The following PPARGC1A variants were observed in gnomAD, a reference collection of about 807,000 sequenced individuals.
PPARGC1A encodes peroxisome proliferator-activated receptor gamma coactivator 1-alpha.
A neutral mutation model predicts 88.7 loss-of-function variants in PPARGC1A; 25 were observed. That is an observed-to-expected ratio of 0.28 (90% CI 0.21 to 0.39). The LOEUF (loss-of-function observed/expected upper bound fraction) is 0.39. Among genes scored for constraint, PPARGC1A ranks in the 10% least tolerant of loss-of-function variants. PPARGC1A has a pLI of 1.00. For missense variants in PPARGC1A, 880 were observed against 968.7 expected (o/e 0.91, Z 1.22); for synonymous variants, 363 against 355.6 (o/e 1.02, Z -0.24).
intron 5 of PPARGC1A, among the ~76,000 whole-genome samples, chr4:23,828,037 G>A (rs1724311171): frequency 6.6e-6 from 1 of 152,032 alleles, no homozygotes; most frequent in African/African-American, 2.4e-5. Context: ...TCCATTACTG[G>A]AAGGGAAAAA....
chr4:23,875,478 T>C (rs967931155), intron 2 of PPARGC1A, among the ~76,000 whole-genome samples: 1 of 151,956 alleles, frequency 6.6e-6, no homozygotes, highest in East Asian at 1.9e-4. Flanking sequence ...GTGAAGGTGT[T>C]GTCGGTCTGT....
the PPARGC1A span, among the ~76,000 whole-genome samples, chr4:24,328,129 C>T: frequency 6.6e-6 from 1 of 152,068 alleles, no homozygotes; most frequent in South Asian, 2.1e-4. Flanking sequence ...TCAGACTCAG[C>T]CCGCCTGCAC....
the PPARGC1A span, among the ~76,000 whole-genome samples, chr4:24,306,543 C>A: frequency 1.6e-4 from 24 of 152,246 alleles, no homozygotes; most frequent in African/African-American, 5.3e-4. Context: ...TCTGCAAATT[C>A]TGAGTAATTA....
chr4:24,297,888 C>T, the PPARGC1A span, among the ~76,000 whole-genome samples: 1 of 152,112 alleles, frequency 6.6e-6, no homozygotes, highest in Non-Finnish European at 1.5e-5. Context: ...TTGCAAGCAA[C>T]AGGATGATCT....
At chr4:24,097,035 A>G in the PPARGC1A span, among the ~76,000 whole-genome samples, 1 of 152,158 alleles carries the variant, frequency 6.6e-6, no homozygotes, top group South Asian at 2.1e-4. Context: ...TTGAGGTCAC[A>G]GTAAGCTATG....
chr4:24,472,042 G>C, the PPARGC1A span, among the ~76,000 whole-genome samples: 3 of 152,184 alleles, frequency 2.0e-5, no homozygotes, highest in African/African-American at 7.2e-5. This position sits in a 1 kb window ranked among gnomAD's most constrained non-coding sequence, Gnocchi z 4.5. Flanking sequence ...GGTTGCGCTC[G>C]AGTTCCCTGG....
intron 5 of PPARGC1A, among the ~76,000 whole-genome samples, chr4:23,827,821 GGAAGAAGGAGTGGAAGAGGAA>G: frequency 6.6e-6 from 1 of 150,572 alleles, no homozygotes; most frequent in African/African-American, 2.5e-5. Context: ...GAGGAGAAGG[GGAAGAAGGAGTGGAAGAGGAA>G]GAAGAAGAGG....
At chr4:24,239,540 G>A in the PPARGC1A span, among the ~76,000 whole-genome samples, 1 of 152,160 alleles carries the variant, frequency 6.6e-6, no homozygotes, top group East Asian at 1.9e-4. Flanking sequence ...TGAGATTAGG[G>A]ATATAAGACA....
the PPARGC1A span, among the ~76,000 whole-genome samples, chr4:23,963,772 G>A: frequency 5.3e-5 from 8 of 152,202 alleles, no homozygotes; most frequent in African/African-American, 1.9e-4. Context: ...TTTCCTGGTT[G>A]TCCTGCAGTA....
At chr4:24,383,524 G>T in the PPARGC1A span, among the ~76,000 whole-genome samples, 2 of 152,112 alleles carry the variant, frequency 1.3e-5, no homozygotes, top group Non-Finnish European at 2.9e-5. Flanking sequence ...GTTTAGAGAA[G>T]AACATAAATG....
the PPARGC1A span, among the ~76,000 whole-genome samples, chr4:24,372,499 A>C: frequency 1.3e-5 from 2 of 152,196 alleles, no homozygotes; most frequent in Admixed American, 6.5e-5. Context: ...CCTTAATGCT[A>C]ACTCAGGGGC....
At chr4:24,187,611 T>A in the PPARGC1A span, among the ~76,000 whole-genome samples, 1 of 152,226 alleles carries the variant, frequency 6.6e-6, no homozygotes, top group Non-Finnish European at 1.5e-5. Context: ...TTACAGTAAA[T>A]GTCTGCTGTG....
chr4:24,407,775 T>C, the PPARGC1A span, among the ~76,000 whole-genome samples: 1 of 152,222 alleles, frequency 6.6e-6, no homozygotes, highest in East Asian at 1.9e-4. Flanking sequence ...ACCTCTTTTA[T>C]TGGGTTGTTA....
At chr4:24,117,497 C>G in the PPARGC1A span, among the ~76,000 whole-genome samples, 2 of 151,386 alleles carry the variant, frequency 1.3e-5, no homozygotes, top group Non-Finnish European at 2.9e-5. Flanking sequence ...TTTCAAAGGG[C>G]CTTCTAGTGG....
the PPARGC1A span, among the ~76,000 whole-genome samples, chr4:24,111,412 C>T: frequency 3.8e-4 from 58 of 152,242 alleles, no homozygotes; most frequent in Non-Finnish European, 6.8e-4. Flanking sequence ...TTTTGACACA[C>T]ATTAATTCAT....
rs553282095 is a variant in PPARGC1A at position 23,831,491 on chromosome 4, C to G, written c.429+66G>C. ...AATCCAAACCTTATTGTGACTACAT[C>G]ATACCCATGCAGCGGGTAGCCAGAG... On this transcript the variant is annotated intron_variant, in intron 3 of 12. Coordinates refer to ENST00000264867, the MANE Select transcript of PPARGC1A (RefSeq NM_013261.5). 57 of 1,402,330 alleles carry G rather than the reference C, an allele frequency of 4.1e-5. No individual in the cohort carries two copies. The East Asian group carries it at 1.3e-3, about 32-fold the overall frequency. The allele number at this position is 1,402,330 out of a possible 1,614,324, so 86.9% of individuals were successfully genotyped here.
At chr4:24,355,759 C>A in the PPARGC1A span, among the ~76,000 whole-genome samples, 739 of 152,052 alleles carry the variant, frequency 4.9e-3, 6 homozygotes, top group African/African-American at 0.017. Flanking sequence ...CACAAAAGAA[C>A]GTGGAAGTGC....
At chr4:24,454,668 G>A in the PPARGC1A span, among the ~76,000 whole-genome samples, 5 of 151,908 alleles carry the variant, frequency 3.3e-5, no homozygotes, top group Admixed American at 6.6e-5. Context: ...AACCTGAGAG[G>A]TTGAGGCTGC....
chr4:23,894,510 A>G (rs1335018466), upstream of PPARGC1A, among the ~76,000 whole-genome samples: 4 of 152,182 alleles, frequency 2.6e-5, no homozygotes, highest in Admixed American at 2.6e-4. Flanking sequence ...CCTTTGAGGA[A>G]ATAACTAGAG....
Sources: gnomAD v4.1 joint callset for allele counts (sites outside exome capture counted in the v4.1 genomes callset) on GRCh38, gnomAD v4.1.1 for gene constraint, Gnocchi (gnomAD v3.1) non-coding constraint, MANE v1.5 for transcripts, NCBI Gene and HGNC (gene_info 2026-07-23, HGNC 2026-07-21) for gene names.